Variants in SLC9B1 observed in about 807,000 individuals in gnomAD.
The protein encoded by SLC9B1 is sodium/hydrogen exchanger 9B1.
A neutral mutation model predicts 51.7 loss-of-function variants in SLC9B1; 32 were observed. The ratio of observed to expected loss-of-function variants is 0.62; its 90% CI spans 0.47 to 0.83. The LOEUF is 0.83. SLC9B1 is among the 40% of genes least tolerant of loss of function. The pLI is 0.00. For synonymous variants in SLC9B1, 145 were observed against 212.7 expected (o/e 0.68, Z 2.77); for missense variants, 406 against 613.2 (o/e 0.66, Z 3.57).
At chr4:102,939,714 G>GTAAGCTT (rs1441272304) in intron 6 of SLC9B1, among the ~76,000 whole-genome samples, 2 of 152,240 alleles carry the variant, frequency 1.3e-5, no homozygotes, top group African/African-American at 4.8e-5. Flanking sequence ...CTATGATTAA[G>GTAAGCTT]TAAGCTTTAT....
intron 11 of SLC9B1, among the ~76,000 whole-genome samples, chr4:102,902,545 A>C (rs1734838205): frequency 6.6e-6 from 1 of 152,090 alleles, no homozygotes; most frequent in African/African-American, 2.4e-5. Flanking sequence ...AAAAACAAAA[A>C]CCAAACCCAT....
At chr4:102,919,809 G>A (rs1221946809) in intron 7 of SLC9B1, among the ~76,000 whole-genome samples, 1 of 152,198 alleles carries the variant, frequency 6.6e-6, no homozygotes, top group Admixed American at 6.5e-5. Flanking sequence ...CACTACTAGC[G>A]CAACAGTCTG....
intron 10 of SLC9B1, 124 bp downstream of exon 10, chr4:102,906,412 A>T: frequency 1.9e-6 from 1 of 537,302 alleles, no homozygotes; most frequent in Non-Finnish European, 3.2e-6. Context: ...ATGACACTGT[A>T]TCAACATGTG....
intron 9 of SLC9B1, among the ~76,000 whole-genome samples, chr4:102,907,395 T>C (rs1011167590): frequency 2.6e-5 from 4 of 152,364 alleles, no homozygotes; most frequent in African/African-American, 9.6e-5. Flanking sequence ...AATCCTGATA[T>C]ATATAGCATA....
rs189231389 is a variant in SLC9B1, at chr4:102,951,010, A to G, written c.212-1583T>C. Among the ~76,000 whole-genome samples, 417 of 152,038 alleles carry G rather than the reference A, an allele frequency of 2.7e-3. 6 individuals are homozygous for G. Among genetic ancestry groups the G allele is most frequent in the Middle Eastern group, 3.4e-3 (1 of 294 alleles). ...AACTCCATCTCAAGAAAACAAAACA[A>G]AACAAAACAGAAAACAAAACAAAAC... On this transcript the variant is annotated intron_variant, in intron 3 of 11. Coordinates refer to ENST00000296422, the MANE Select transcript of SLC9B1 (RefSeq NM_139173.4).
At chr4:102,935,762 T>C (rs1736691448) in intron 6 of SLC9B1, among the ~76,000 whole-genome samples, 1 of 152,228 alleles carries the variant, frequency 6.6e-6, no homozygotes, top group East Asian at 1.9e-4. Context: ...GTCCAGAACA[T>C]TATTTTCAAA....
At chr4:102,903,030 C>T (rs535875263) in intron 11 of SLC9B1, among the ~76,000 whole-genome samples, 6 of 150,470 alleles carry the variant, frequency 4.0e-5, no homozygotes, top group Non-Finnish European at 8.8e-5. Flanking sequence ...TGTGACTCTA[C>T]TTGTATAAAT....
In SLC9B1 at chr4:102,989,935, T is replaced by G. The variant is rs144726764; in HGVS notation, c.76A>C (p.Ile26Leu). ...FQTSTTPQSLIDPNNTAQEET... is the reference protein window; with the variant it reads ...FQTSTTPQSLLDPNNTAQEET... ...TCCTGTGCAGTATTATTAGGATCAA[T>G]GAGACTCTGTAGTAAAACAAGAAAA... The change falls in exon 3 of 12, where the codon ATT becomes CTT. Residue 26 changes from isoleucine to leucine, a missense_variant. This residue lies in a region of SLC9B1 where 108 missense variants were observed against 94.5 expected (regional missense o/e 1.14). Transcript: ENST00000296422. The G allele has an allele frequency of 6.3e-7, 1 of 1,579,138 alleles. No individual in the cohort carries two copies. The highest frequency in any genetic ancestry group is 8.6e-7 in the Non-Finnish European group (1 of 1,158,860).
chr4:102,898,869 A>C (rs1734659612), downstream of SLC9B1, among the ~76,000 whole-genome samples: 1 of 152,200 alleles, frequency 6.6e-6, no homozygotes, highest in South Asian at 2.1e-4. Context: ...CCGGGACTAC[A>C]GGCACCTGCC....
chr4:102,919,467 G>A (rs758978988), intron 7 of SLC9B1, among the ~76,000 whole-genome samples: 20 of 152,180 alleles, frequency 1.3e-4, no homozygotes, highest in Admixed American at 4.6e-4. Context: ...GAACAGTTCC[G>A]GTCTGCAGCT....
At chr4:102,996,793 AT>A (rs536977471) in intron 1 of SLC9B1, among the ~76,000 whole-genome samples, 6 of 149,816 alleles carry the variant, frequency 4.0e-5, no homozygotes, top group South Asian at 2.1e-4. Flanking sequence ...TAGTGCTTGT[AT>A]TTTTTTTTCT....
chr4:102,991,130 T>A (rs1345626059), intron 2 of SLC9B1, among the ~76,000 whole-genome samples: 2 of 152,066 alleles, frequency 1.3e-5, no homozygotes, highest in African/African-American at 2.4e-5. Flanking sequence ...AAAATATTTT[T>A]AAAAATGACT....
intron 3 of SLC9B1, among the ~76,000 whole-genome samples, chr4:102,987,858 TC>T (rs1483596503): frequency 6.6e-6 from 1 of 152,144 alleles, no homozygotes; most frequent in African/African-American, 2.4e-5. Flanking sequence ...GTCTAATCAC[TC>T]CTATTTTTTG....
At chr4:102,923,797 C>T (rs942920898) in intron 7 of SLC9B1, among the ~76,000 whole-genome samples, 19 of 152,096 alleles carry the variant, frequency 1.2e-4, no homozygotes, top group Admixed American at 6.6e-4. Context: ...GAGTGAACTC[C>T]CATTCACAAT....
chr4:102,951,395 A>G (rs1427272201), intron 3 of SLC9B1, among the ~76,000 whole-genome samples: 1 of 152,198 alleles, frequency 6.6e-6, no homozygotes, highest in Non-Finnish European at 1.5e-5. Context: ...GTTAACAGAT[A>G]CTACAAAGAA....
chr4:102,925,201 T>C (rs1363414268), intron 7 of SLC9B1, among the ~76,000 whole-genome samples: 1 of 152,154 alleles, frequency 6.6e-6, no homozygotes, highest in Non-Finnish European at 1.5e-5. Context: ...GTGGCACATA[T>C]ACACCATGGA....
chr4:102,941,899 G>A (rs1737022878), intron 6 of SLC9B1, among the ~76,000 whole-genome samples: 1 of 151,984 alleles, frequency 6.6e-6, no homozygotes, highest in Non-Finnish European at 1.5e-5. Flanking sequence ...ATCATATAAT[G>A]AGAAAACCCT....
chr4:103,004,804 T>G (rs1740697207), intron 1 of SLC9B1, among the ~76,000 whole-genome samples: 1 of 152,098 alleles, frequency 6.6e-6, no homozygotes, highest in Admixed American at 6.6e-5. Context: ...AGAAAAGAAA[T>G]TTCAACCAAG....
intron 3 of SLC9B1, among the ~76,000 whole-genome samples, chr4:102,960,104 A>C (rs1009758873): frequency 1.3e-5 from 2 of 152,096 alleles, no homozygotes; most frequent in African/African-American, 4.8e-5. Context: ...TAATATGTAC[A>C]TTAAAACTCA....
Sources: allele counts gnomAD v4.1 joint callset (sites outside exome capture counted in the v4.1 genomes callset), GRCh38; gene constraint gnomAD v4.1.1; regional missense constraint gnomAD v4.1.1; transcripts MANE v1.5; gene names NCBI Gene and HGNC (gene_info 2026-07-23, HGNC 2026-07-21).